Variants in DLGAP1 observed in about 807,000 individuals in gnomAD.
The protein encoded by DLGAP1 is DLG associated protein 1.
Under a neutral mutation model 90.8 loss-of-function variants are expected in DLGAP1, and 11 were observed. The observed-to-expected ratio is 0.12, with a 90% confidence interval of 0.08 to 0.20. The LOEUF is 0.20. DLGAP1 is among the 10% of genes least tolerant of loss of function. DLGAP1 has a pLI of 1.00. For synonymous variants in DLGAP1, 558 were observed against 540.7 expected (o/e 1.03, Z -0.44); for missense variants, 1,050 against 1,333.8 (o/e 0.79, Z 3.31).
intron 3 of DLGAP1, among the ~76,000 whole-genome samples, chr18:3,892,956 G>A (rs368130882): frequency 1.1e-4 from 16 of 150,096 alleles, no homozygotes; most frequent in African/African-American, 3.9e-4. Flanking sequence ...TACAAGTGCA[G>A]TTTTGTTACA....
Position 3,559,925 on chromosome 18 carries a change from T to C in DLGAP1, c.2057+7565A>G, listed in dbSNP as rs573339816. ...CATGAGCCACTGCTCCAGGCCCCAA[T>C]CCACTTTCATATAACACTATGACAC... On this transcript the variant is annotated intron_variant, in intron 9 of 12. Coordinates refer to ENST00000315677, the MANE Select transcript of DLGAP1 (RefSeq NM_004746.4). Among the ~76,000 whole-genome samples the C allele has an allele frequency of 7.2e-5, 11 of 151,830 alleles. No individual in the cohort carries two copies. In the East Asian group the frequency reaches 2.2e-3, roughly 30 times the overall value.
chr18:4,068,101 C>T (rs1475168797), intron 2 of DLGAP1, among the ~76,000 whole-genome samples: 2 of 151,888 alleles, frequency 1.3e-5, no homozygotes, highest in African/African-American at 4.8e-5. Flanking sequence ...TAGACATATT[C>T]CTTTTCTCTG....
chr18:4,140,758 C>T (rs180938856), intron 2 of DLGAP1, among the ~76,000 whole-genome samples: 286 of 151,948 alleles, frequency 1.9e-3, no homozygotes, highest in Middle Eastern at 0.014. Context: ...CTGTTGTTCT[C>T]GAAAAGTATT....
At chr18:3,684,081 G>A (rs2060615979) in intron 7 of DLGAP1, among the ~76,000 whole-genome samples, 1 of 152,054 alleles carries the variant, frequency 6.6e-6, no homozygotes, top group South Asian at 2.1e-4. Context: ...TTAAATAGCT[G>A]TATTCTATCA....
chr18:4,361,688 C>T (rs749335733), intron 1 of DLGAP1, among the ~76,000 whole-genome samples: 14 of 152,010 alleles, frequency 9.2e-5, no homozygotes, highest in Non-Finnish European at 1.9e-4. Flanking sequence ...CTTAATTTGG[C>T]AACTATTTTT....
intron 7 of DLGAP1, among the ~76,000 whole-genome samples, chr18:3,658,834 A>C (rs1378470370): frequency 6.6e-6 from 1 of 152,202 alleles, no homozygotes; most frequent in Non-Finnish European, 1.5e-5. Context: ...AAAAGACAAC[A>C]ATGTGCTCTG....
At chr18:3,677,505 C>T (rs2060350554) in intron 7 of DLGAP1, among the ~76,000 whole-genome samples, 1 of 152,220 alleles carries the variant, frequency 6.6e-6, no homozygotes, top group Admixed American at 6.5e-5. Context: ...GTTCTGAAGA[C>T]ATTTTTGTGC....
At chr18:4,168,880 G>A (rs1177282577) in intron 1 of DLGAP1, among the ~76,000 whole-genome samples, 1 of 152,056 alleles carries the variant, frequency 6.6e-6, no homozygotes, top group African/African-American at 2.4e-5. Flanking sequence ...CACTATGTCT[G>A]GCTCTCATTT....
At chr18:3,841,698 C>T (rs2068725790) in intron 4 of DLGAP1, among the ~76,000 whole-genome samples, 2 of 152,226 alleles carry the variant, frequency 1.3e-5, no homozygotes, top group African/African-American at 4.8e-5. Context: ...ACCACCTTAG[C>T]ACAGTACTTT....
chr18:3,742,368 C>T lies in DLGAP1; in HGVS notation c.1317G>A (p.Glu439=), dbSNP rs1449138022. The change falls in exon 6 of 13, where the codon GAG becomes GAA. Residue 439 remains glutamate (E), a synonymous_variant. Transcript: ENST00000315677. ...TGGTGCTCATGGCTCGCATGTAGCT[C>T]TCATTCCTGGAGCGGAACTTTGGTG... The part of the protein sequence containing the change: ...LTSPKFRSRN[E]SYMRAMSTIS... 6.2e-7 allele frequency: 1 copy of T among 1,614,094 alleles called. No individual in the cohort carries two copies. Among genetic ancestry groups the T allele is most frequent in the South Asian group, 1.1e-5 (1 of 91,090 alleles).
intron 5 of DLGAP1, among the ~76,000 whole-genome samples, chr18:3,765,567 CT>C (rs1175670040): frequency 6.6e-6 from 1 of 152,052 alleles, no homozygotes; most frequent in Non-Finnish European, 1.5e-5. Context: ...GGCACGGTGG[CT>C]CACGCCTGTA....
rs143944743 is a variant in DLGAP1, at chr18:3,716,679, A to T, written c.1591+12456T>A. On this transcript the variant is annotated intron_variant, in intron 7 of 12. Transcript: ENST00000315677. ...ACATTCTAGTGCATTTCCTTCTAGT[A>T]TTTTTTTTTTCCTGAGCAAAAATTC... 4.0e-3 allele frequency among the ~76,000 whole-genome samples: 604 copies of T among 149,978 alleles called. 8 individuals are homozygous for T. Among genetic ancestry groups the T allele is most frequent in the African/African-American group, 0.014 (582 of 40,954 alleles).
chr18:4,015,020 T>C (rs2074497001), intron 2 of DLGAP1, among the ~76,000 whole-genome samples: 1 of 152,166 alleles, frequency 6.6e-6, no homozygotes, highest in African/African-American at 2.4e-5. Context: ...GAACATGCCT[T>C]TGAACTGTTT....
chr18:3,523,616 G>T (rs1279402540), intron 10 of DLGAP1, among the ~76,000 whole-genome samples: 1 of 152,034 alleles, frequency 6.6e-6, no homozygotes, highest in Non-Finnish European at 1.5e-5. Flanking sequence ...GGGAGGCCAA[G>T]GAGGGCGGAT....
intron 9 of DLGAP1, among the ~76,000 whole-genome samples, chr18:3,537,310 T>C (rs2052435790): frequency 6.6e-6 from 1 of 152,230 alleles, no homozygotes; most frequent in African/African-American, 2.4e-5. Context: ...TCTGTGTCTA[T>C]GAGTCTGACT....
chr18:3,851,648 C>A (rs1328220595), intron 4 of DLGAP1, among the ~76,000 whole-genome samples: 3 of 152,044 alleles, frequency 2.0e-5, no homozygotes, highest in Non-Finnish European at 4.4e-5. Context: ...GCACAATATC[C>A]TGAACCTAAA....
Position 4,134,850 on chromosome 18 carries a change from A to C in DLGAP1, c.-159+16330T>G, listed in dbSNP as rs531065739. 5.9e-5 allele frequency among the ~76,000 whole-genome samples: 9 copies of C among 152,244 alleles called. No homozygotes were observed. In the South Asian group the frequency reaches 1.7e-3, roughly 28 times the overall value. On this transcript the variant is annotated intron_variant, in intron 2 of 12. Coordinates refer to ENST00000315677, the MANE Select transcript of DLGAP1 (RefSeq NM_004746.4). ...TACTGCTGAGAGCATGTGCACCAAC[A>C]CGCTGTATTTGTCAACACACACAAT...
intron 5 of DLGAP1, among the ~76,000 whole-genome samples, chr18:3,795,847 C>G (rs2065964442): frequency 6.6e-6 from 1 of 152,010 alleles, no homozygotes; most frequent in African/African-American, 2.4e-5. Context: ...AAAGGTTCTC[C>G]TCATATATAC....
At chr18:3,548,750 C>A (rs552622712) in intron 9 of DLGAP1, among the ~76,000 whole-genome samples, 1 of 152,176 alleles carries the variant, frequency 6.6e-6, no homozygotes, top group Non-Finnish European at 1.5e-5. Context: ...CTCAACATTG[C>A]ACTAGGCCAG....
Sources: allele counts gnomAD v4.1 joint callset (sites outside exome capture counted in the v4.1 genomes callset), GRCh38; gene constraint gnomAD v4.1.1; transcripts MANE v1.5; gene names NCBI Gene and HGNC (gene_info 2026-07-23, HGNC 2026-07-21).